L2HGDH: variants seen among roughly 807,000 people sequenced by gnomAD.
L2HGDH encodes L-2-hydroxyglutarate dehydrogenase.
In L2HGDH, 34 loss-of-function variants were observed where a neutral mutation model predicts 51.5. That is an observed-to-expected ratio of 0.66 (90% CI 0.50 to 0.88). The LOEUF (loss-of-function observed/expected upper bound fraction) is 0.88, where lower values mean the gene tolerates loss of function less well. L2HGDH is among the 40% of genes least tolerant of loss of function. L2HGDH has a pLI of 0.00. For synonymous variants in L2HGDH, 198 were observed against 197.9 expected, an observed-to-expected ratio of 1.00 and a Z score of -0.01; for missense variants, 558 against 571.9, an observed-to-expected ratio of 0.98 and a Z score of 0.25.
At chr14:50,290,184 GTGAACCC>G (rs1890795900) in intron 4 of L2HGDH, among the ~76,000 whole-genome samples, 1 of 151,932 alleles carries the variant, frequency 6.6e-6, no homozygotes, top group Non-Finnish European at 1.5e-5. Flanking sequence ...GGAGAATGGC[GTGAACCC>G]AAGAGTTGGA....
In L2HGDH at chr14:50,283,742, T is replaced by C; in HGVS notation, c.703+129A>G. 5.5e-6 allele frequency: 4 copies of C among 726,018 alleles called. No individual in the cohort carries two copies. The South Asian group carries it at 7.0e-5, about 13-fold the overall frequency. The allele number at this position is 726,018 out of a possible 1,614,324, so 45.0% of individuals were successfully genotyped here. On this transcript the variant is annotated intron_variant, in intron 5 of 9. Transcript: ENST00000267436. ...TCTTTTTTATTTGTATTATGTATTA[T>C]TCTACTATTATTTTTTATTGTTTTT...
chr14:50,297,367 C>G (rs2030118865), intron 3 of L2HGDH, among the ~76,000 whole-genome samples: 2 of 112,890 alleles, frequency 1.8e-5, no homozygotes, highest in African/African-American at 6.0e-5. Flanking sequence ...CTAAGGAATT[C>G]ATAGACACAC....
In L2HGDH at chr14:50,265,375, A is replaced by G. The variant is rs749644737; in HGVS notation, c.1179T>C (p.Thr393=). 1 of 1,611,444 alleles carries G rather than the reference A, an allele frequency of 6.2e-7. No homozygotes were observed. The highest frequency in any genetic ancestry group is 1.1e-5 in the South Asian group (1 of 91,026). Residue 393 remains threonine (T), a synonymous_variant, in exon 9 of 10, where the codon ACT becomes ACC. Transcript: ENST00000267436. The part of the protein sequence containing the change: ...KYLQKFIPEI[T]ISDILRGPAG... Reference sequence around the variant, plus strand: ...TTCCTTACCTAAGTATATCACTGATAGTAATTTCAGGGATGAATTTTTGAA... The same window carrying G: ...TTCCTTACCTAAGTATATCACTGATGGTAATTTCAGGGATGAATTTTTGAA...
intron 9 of L2HGDH, among the ~76,000 whole-genome samples, chr14:50,264,163 T>C (rs924045851): frequency 6.7e-6 from 1 of 149,154 alleles, no homozygotes; most frequent in South Asian, 2.1e-4. Flanking sequence ...GTGGATCGCC[T>C]GAGGTCGGGA....
chr14:50,310,700 A>G (rs1371093014), intron 1 of L2HGDH, among the ~76,000 whole-genome samples: 1 of 151,718 alleles, frequency 6.6e-6, no homozygotes, highest in African/African-American at 2.4e-5. Flanking sequence ...TGAGACCCTG[A>G]CTCCAAAAAT....
intron 5 of L2HGDH, chr14:50,282,577 G>A (rs1177783417): frequency 2.6e-5 from 12 of 454,418 alleles, no homozygotes; most frequent in Admixed American, 2.6e-4. Context: ...CAGTCTATGA[G>A]TTGAAATCCA....
At chr14:50,300,845 G>A (rs1476654151) in intron 3 of L2HGDH, among the ~76,000 whole-genome samples, 1 of 151,876 alleles carries the variant, frequency 6.6e-6, no homozygotes, top group Admixed American at 6.6e-5. Context: ...ACTTTTTTGA[G>A]GCAAGGTCTC....
In L2HGDH at chr14:50,278,563, AAAG is replaced by A. The variant is rs1890096905; in HGVS notation, c.704-12_704-10del. On this transcript the variant is annotated splice_polypyrimidine_tract_variant and intron_variant, in intron 5 of 9. Coordinates refer to ENST00000267436, the MANE Select transcript of L2HGDH (RefSeq NM_024884.3). ...AATTGGATATTGCATTCCTGAAAAA[AAAG>A]AATAAGTGAAAAATTTATTTTTAGC... is the stretch of plus-strand genomic sequence containing the variant. The A allele has an allele frequency of 2.2e-6, 3 of 1,373,572 alleles. No individual in the cohort carries two copies. The highest frequency in any genetic ancestry group is 3.1e-6 in the Non-Finnish European group (3 of 974,700). The allele number at this position is 1,373,572 out of a possible 1,614,324, so 85.1% of individuals were successfully genotyped here.
At chr14:50,254,415 CT>C (rs1198153415) in intron 9 of L2HGDH, among the ~76,000 whole-genome samples, 1 of 152,016 alleles carries the variant, frequency 6.6e-6, no homozygotes, top group Non-Finnish European at 1.5e-5. Flanking sequence ...GCTGAAACTT[CT>C]TGGGGTAGAG....
intron 1 of L2HGDH, among the ~76,000 whole-genome samples, chr14:50,306,766 T>A (rs2030751152): frequency 6.6e-6 from 1 of 152,084 alleles, no homozygotes; most frequent in Non-Finnish European, 1.5e-5. Context: ...GAAGCTTTTC[T>A]TAAGGAAAGA....
intron 3 of L2HGDH, among the ~76,000 whole-genome samples, chr14:50,297,369 T>TAC (rs2139201001): frequency 9.1e-6 from 1 of 109,518 alleles, no homozygotes; most frequent in South Asian, 3.0e-4. Context: ...AAGGAATTCA[T>TAC]AGACACACAC....
rs1165900163 is a variant in L2HGDH at position 50,244,635 on chromosome 14, T to A, written c.*2423A>T. 6 of 985,332 alleles carry A rather than the reference T, an allele frequency of 6.1e-6. No homozygotes were observed. Among genetic ancestry groups the A allele is most frequent in the Non-Finnish European group, 6.0e-6 (5 of 829,926 alleles). 61.0% of individuals were successfully genotyped at this position (985,332 alleles called of 1,614,324 possible). On this transcript the variant is annotated 3_prime_UTR_variant, in exon 10 of 10. Transcript: ENST00000267436. ...TAATATACTCATCCTAAGAGTTGAA[T>A]AATGGCCTACTCTGTTTACCTGGGA...
chr14:50,252,441 A>C (rs1025974008), intron 9 of L2HGDH, among the ~76,000 whole-genome samples: 12 of 152,008 alleles, frequency 7.9e-5, no homozygotes, highest in African/African-American at 2.9e-4. Context: ...AATAACACTG[A>C]ATGTAAATAG....
At chr14:50,269,118 C>T (rs753978934) in intron 7 of L2HGDH, 45 bp downstream of exon 7, 56 of 1,491,112 alleles carry the variant, frequency 3.8e-5, no homozygotes, top group Non-Finnish European at 4.9e-5. Context: ...TTTATGACCA[C>T]CACCTGCTTG....
Position 50,312,156 on chromosome 14 carries a change from A to C in L2HGDH, c.-6T>G, listed in dbSNP as rs750507364. On this transcript the variant is annotated 5_prime_UTR_variant, in exon 1 of 10. Transcript: ENST00000267436. ...TAACGCAGCGCTGGCACCATCCCCTACGCACGCTCCCCTCCCTCAGCGCTC... is the reference window on the plus strand; with the variant it reads ...TAACGCAGCGCTGGCACCATCCCCTCCGCACGCTCCCCTCCCTCAGCGCTC... The C allele has an allele frequency of 6.2e-7, 1 of 1,609,478 alleles. No individual in the cohort carries two copies. The highest frequency in any genetic ancestry group is 8.5e-7 in the Non-Finnish European group (1 of 1,179,190).
chr14:50,309,992 G>C (rs922623009), intron 1 of L2HGDH, among the ~76,000 whole-genome samples: 1 of 151,904 alleles, frequency 6.6e-6, no homozygotes. Context: ...AGCATGCCTG[G>C]CCACATTTTC....
intron 1 of L2HGDH, among the ~76,000 whole-genome samples, chr14:50,311,651 G>A (rs1259889590): frequency 3.9e-5 from 6 of 152,202 alleles, no homozygotes; most frequent in Non-Finnish European, 5.9e-5. Context: ...TGCTTATACT[G>A]TGTGCTAGGT....
Position 50,269,187 on chromosome 14 carries a change from A to G in L2HGDH, c.882T>C (p.Tyr294=). 6.2e-7 allele frequency: 1 copy of G among 1,614,002 alleles called. No homozygotes were observed. The highest frequency in any genetic ancestry group is 8.5e-7 in the Non-Finnish European group (1 of 1,179,968). ...CCGGATAAATATTTCCTTTTACAAG[A>G]TAACATTTTTCTGGCTTCAAAAGCA... ...DYLLLKPEKC[Y]LVKGNIYPVP... is the part of the protein sequence containing the mutation. The change falls in exon 7 of 10, where the codon TAT becomes TAC. Residue 294 remains tyrosine, a synonymous_variant. Transcript: ENST00000267436.
In L2HGDH at chr14:50,243,378, C is replaced by T; in HGVS notation, c.*3680G>A. 1.0e-6 allele frequency: 1 copy of T among 983,524 alleles called. No homozygotes were observed. The highest frequency in any genetic ancestry group is 4.7e-5 in the South Asian group (1 of 21,242). 60.9% of individuals were successfully genotyped at this position (983,524 alleles called of 1,614,324 possible). A position where few individuals can be genotyped will look rare whatever the true frequency, so the allele number is the denominator to read the frequency against. ...GAAATGAGTTTTTTAAAAAGGTTGG[C>T]TGCTATCTATCTAAAGCAAACAGTT... On this transcript the variant is annotated 3_prime_UTR_variant, in exon 10 of 10. Coordinates refer to ENST00000267436, the MANE Select transcript of L2HGDH (RefSeq NM_024884.3).
Sources: allele counts gnomAD v4.1 joint callset (sites outside exome capture counted in the v4.1 genomes callset), GRCh38; gene constraint gnomAD v4.1.1; transcripts MANE v1.5; gene names NCBI Gene and HGNC (gene_info 2026-07-23, HGNC 2026-07-21).